Variants in DDX18 observed in about 807,000 individuals in gnomAD.
DDX18 encodes the protein ATP-dependent RNA helicase DDX18.
DDX18 carries 23 observed loss-of-function variants against 73.5 expected under a neutral mutation model. That is an observed-to-expected ratio of 0.31 (90% confidence interval 0.23 to 0.44). The LOEUF is 0.44. Ranked by LOEUF, DDX18 falls within the 20% of genes least tolerant of loss-of-function variation. DDX18 has a pLI of 1.00. For missense variants in DDX18, 753 were observed against 792.9 expected (o/e 0.95, Z 0.60); for synonymous variants, 268 against 282.7 (o/e 0.95, Z 0.52).
In DDX18 at chr2:117,824,552, A is replaced by C; in HGVS notation, c.1067-17A>C. 1 of 1,357,398 alleles carries C rather than the reference A, an allele frequency of 7.4e-7. No individual in the cohort carries two copies. The highest frequency in any genetic ancestry group is 9.5e-7 in the Non-Finnish European group (1 of 1,047,750). 84.1% of individuals were successfully genotyped at this position (1,357,398 alleles called of 1,614,324 possible). On this transcript the variant is annotated splice_polypyrimidine_tract_variant and intron_variant, in intron 7 of 13. Coordinates refer to ENST00000263239, the MANE Select transcript of DDX18 (RefSeq NM_006773.4). The stretch of plus-strand genomic sequence containing the variant: ...TCCCTAAAAGATTGGGGTTATTTTT[A>C]TATGTATCTGTTTCAGCACGTAGAC...
At position 117,825,561 on chromosome 2, in the gene DDX18, G is replaced by C. The variant is rs774185791; in HGVS notation, c.1483G>C (p.Asp495His). Residue 495 changes from aspartate (D) to histidine (H), a missense_variant, in exon 10 of 14, where the codon GAC (aspartate) becomes CAC (histidine). Transcript: ENST00000263239. ...GAGAGGACTAGACATTCCTGAAGTCGACTGGATTGTTCAGTATGACCCTCC... is the reference window on the plus strand; with the variant it reads ...GAGAGGACTAGACATTCCTGAAGTCCACTGGATTGTTCAGTATGACCCTCC... Reference protein sequence around the residue: ...AARGLDIPEVDWIVQYDPPDD... With the variant: ...AARGLDIPEVHWIVQYDPPDD... The C allele has an allele frequency of 6.2e-7, 1 of 1,614,020 alleles. No individual in the cohort carries two copies.
intron 8 of DDX18, 26 bp downstream of exon 8, chr2:117,824,734 T>C (rs373248471): frequency 6.8e-6 from 10 of 1,467,374 alleles, no homozygotes; most frequent in African/African-American, 4.3e-5. Context: ...AACTGAAAAC[T>C]GTAGGGATCT....
chr2:117,828,711 T>A, intron 11 of DDX18: 1 of 487,504 alleles, frequency 2.1e-6, no homozygotes, highest in Non-Finnish European at 3.7e-6. Flanking sequence ...AGAAAAGTGC[T>A]TTACTGACTG....
chr2:117,824,915 ATCTG>A, intron 8 of DDX18, 21 bp from the exon 9 acceptor site: 1 of 1,585,494 alleles, frequency 6.3e-7, no homozygotes, highest in East Asian at 2.2e-5. Flanking sequence ...GTTCATTTGT[ATCTG>A]TCTGCTTAAA....
rs913041409 is a variant in DDX18, at chr2:117,829,561, G to A, written c.1870+95G>A. 2.1e-5 allele frequency: 25 copies of A among 1,186,096 alleles called. No individual in the cohort carries two copies. The East Asian group carries it at 5.6e-4, about 27-fold the overall frequency. The allele number at this position is 1,186,096 out of a possible 1,614,324, so 73.5% of individuals were successfully genotyped here. On this transcript the variant is annotated intron_variant, in intron 13 of 13. Coordinates refer to ENST00000263239, the MANE Select transcript of DDX18 (RefSeq NM_006773.4). ...TTTGCAGTGGATTGGTATGTGTTCT[G>A]GCTCAGACTGGAGGCTCCAGTGTTC...
intron 10 of DDX18, 49 bp from the exon 11 acceptor site, chr2:117,826,220 C>A (rs931440051): frequency 1.3e-6 from 2 of 1,528,164 alleles, no homozygotes; most frequent in Admixed American, 3.4e-5. Context: ...CGCAAATGGG[C>A]TCATGTGGAA....
intron 11 of DDX18, chr2:117,826,630 T>G: frequency 8.1e-6 from 4 of 496,380 alleles, no homozygotes; most frequent in East Asian, 3.6e-5. Context: ...TCCTTTCCTG[T>G]TCCCTCCAGC....
intron 13 of DDX18, 102 bp from the exon 14 acceptor site, chr2:117,830,480 T>C: frequency 7.5e-7 from 1 of 1,337,824 alleles, no homozygotes; most frequent in Non-Finnish European, 1.0e-6. Context: ...AGAATGGGGT[T>C]GTGGAGGAAC....
At chr2:117,818,727 G>A (rs1679799210) in intron 2 of DDX18, among the ~76,000 whole-genome samples, 2 of 152,096 alleles carry the variant, frequency 1.3e-5, no homozygotes, top group African/African-American at 4.8e-5. Flanking sequence ...TCACTGTGTT[G>A]TCCAAGCTGG....
chr2:117,826,739 G>A (rs1207029617), intron 11 of DDX18: 2 of 233,380 alleles, frequency 8.6e-6, no homozygotes, highest in Non-Finnish European at 1.7e-5. Context: ...GAAGCAGTGG[G>A]GAATCCTTGT....
At chr2:117,827,459 G>A (rs1573413598) in intron 11 of DDX18, 1 of 152,066 alleles carries the variant, frequency 6.6e-6, no homozygotes, top group East Asian at 1.9e-4. Context: ...TATACGTTAG[G>A]TATATATCCT....
rs1573415146 is a variant in DDX18, at chr2:117,830,829, CAA to C, written c.*106_*107del. 38 of 1,384,982 alleles carry C rather than the reference CAA, an allele frequency of 2.7e-5. No homozygotes were observed. Among genetic ancestry groups the C allele is most frequent in the Non-Finnish European group, 3.5e-5 (35 of 999,884 alleles). The allele number at this position is 1,384,982 out of a possible 1,614,324, so 85.8% of individuals were successfully genotyped here. ...GACTTTAGAATTTGGACTTACCTAA[CAA>C]GAGTATAAATTGACTTGGGTTGCAA... On this transcript the variant is annotated 3_prime_UTR_variant, in exon 14 of 14. Transcript: ENST00000263239.
chr2:117,821,087 G>T, intron 3 of DDX18, 74 bp from the exon 4 acceptor site: 1 of 1,407,540 alleles, frequency 7.1e-7, no homozygotes, highest in Non-Finnish European at 9.4e-7. Context: ...AAGCAAAATA[G>T]ATTTAGGCAA....
chr2:117,826,136 G>A (rs1020797403), intron 10 of DDX18, 133 bp from the exon 11 acceptor site: 17 of 563,368 alleles, frequency 3.0e-5, no homozygotes, highest in Admixed American at 2.1e-4. Flanking sequence ...GGGGTGTGGT[G>A]AAGGTGTGTG....
rs1170959982 is a variant in DDX18, at chr2:117,824,844, CTG to C, written c.1207-92_1207-91del. 4.1e-6 allele frequency: 6 copies of C among 1,478,784 alleles called. No homozygotes were observed. The East Asian group carries it at 1.1e-4, about 28-fold the overall frequency. The allele number at this position is 1,478,784 out of a possible 1,614,324, so 91.6% of individuals were successfully genotyped here. On this transcript the variant is annotated intron_variant, in intron 8 of 13. Coordinates refer to ENST00000263239, the MANE Select transcript of DDX18 (RefSeq NM_006773.4). ...TAGGTGAGGCATGACAGTTTACACA[CTG>C]TGTTTATCAGTGCTCTTGATGAAAT...
In DDX18 at chr2:117,821,402, A is replaced by C. The variant is rs1679844888; in HGVS notation, c.650+106A>C. On this transcript the variant is annotated intron_variant, in intron 4 of 13. Transcript: ENST00000263239. ...TTGATTTTGTACTATATGTTGGGTC[A>C]TGTATCCAGCATACATTAAAGGCTT... is the stretch of plus-strand genomic sequence containing the variant. 24 of 1,371,004 alleles carry C rather than the reference A, an allele frequency of 1.8e-5. 1 individual carries two copies. In the South Asian group the frequency reaches 2.4e-4, roughly 14 times the overall value. 84.9% of individuals were successfully genotyped at this position (1,371,004 alleles called of 1,614,324 possible).
rs1218023009 is a variant in DDX18 at position 117,817,606 on chromosome 2, T to G, written c.248T>G (p.Val83Gly). Residue 83 changes from valine (V) to glycine (G), a missense_variant, in exon 2 of 14, where the codon GTT (valine) becomes GGT (glycine). This residue lies in a region of DDX18 where 345 missense variants were observed against 352.0 expected (regional missense o/e 0.98). Transcript: ENST00000263239. ...MSQEAVGNIKVTKSPQKSTVL... is the reference protein window; with the variant it reads ...MSQEAVGNIKGTKSPQKSTVL... ...CAAGAAGCAGTGGGAAATATAAAAGTTACAAAGTCTCCCCAGAAATCCACT... is the reference window on the plus strand; with the variant it reads ...CAAGAAGCAGTGGGAAATATAAAAGGTACAAAGTCTCCCCAGAAATCCACT... 1 of 1,613,976 alleles carries G rather than the reference T, an allele frequency of 6.2e-7. No individual in the cohort carries two copies.
chr2:117,820,309 G>A (rs754113872), intron 3 of DDX18, among the ~76,000 whole-genome samples: 7 of 152,152 alleles, frequency 4.6e-5, no homozygotes, highest in South Asian at 2.1e-4. Context: ...AGTAGCTCTC[G>A]AGCAGGGAAA....
chr2:117,824,874 C>T, intron 8 of DDX18, 66 bp from the exon 9 acceptor site: 1 of 1,529,066 alleles, frequency 6.5e-7, no homozygotes, highest in Non-Finnish European at 8.8e-7. Context: ...GATGAAATTA[C>T]ACAAGTTAGG....
Sources: allele counts gnomAD v4.1 joint callset (sites outside exome capture counted in the v4.1 genomes callset), GRCh38; gene constraint gnomAD v4.1.1; regional missense constraint gnomAD v4.1.1; transcripts MANE v1.5; gene names NCBI Gene and HGNC (gene_info 2026-07-23, HGNC 2026-07-21).